The following PHACTR2 variants were observed in gnomAD, a reference collection of about 807,000 sequenced individuals.
The protein encoded by PHACTR2 is phosphatase and actin regulator 2.
A neutral mutation model predicts 76.0 loss-of-function variants in PHACTR2; 30 were observed. The observed-to-expected ratio is 0.39, with a 90% confidence interval of 0.30 to 0.54. PHACTR2 has a LOEUF of 0.54. PHACTR2 is among the 20% of genes least tolerant of loss of function. The pLI is 0.61. For synonymous variants in PHACTR2, 292 were observed against 292.5 expected (o/e 1.00, Z 0.02); for missense variants, 696 against 781.1 (o/e 0.89, Z 1.30).
chr6:143,575,600 T>C (rs1299057905), intron 1 of PHACTR2, among the ~76,000 whole-genome samples: 2 of 152,244 alleles, frequency 1.3e-5, no homozygotes, highest in Non-Finnish European at 2.9e-5. Context: ...AGAGACTTGA[T>C]GTTGGTGCTT....
In PHACTR2 at chr6:143,698,727, G is replaced by A. The variant is rs74841284; in HGVS notation, c.47-13289G>A. 1.9e-3 allele frequency among the ~76,000 whole-genome samples: 293 copies of A among 152,286 alleles called. 4 individuals carry two copies. The highest frequency in any genetic ancestry group is 6.6e-3 in the African/African-American group (274 of 41,560). On this transcript the variant is annotated intron_variant, in intron 1 of 12. Coordinates refer to ENST00000440869, the MANE Select transcript of PHACTR2 (RefSeq NM_001100164.2). This position sits in a 1 kb window ranked among gnomAD's most constrained non-coding sequence, Gnocchi z 4.3. ...TTTGACTAATGTCAGCCTCTCTCAT[G>A]GCCTGCAAGCCTCCTAAGGGCAGAG...
chr6:143,724,711 A>T (rs1045280487), intron 2 of PHACTR2, among the ~76,000 whole-genome samples: 4 of 152,186 alleles, frequency 2.6e-5, no homozygotes, highest in African/African-American at 9.7e-5. Context: ...CTGGGCCTTT[A>T]AAAATGGGGC....
intron 1 of PHACTR2, among the ~76,000 whole-genome samples, chr6:143,612,015 A>G (rs1775984730): frequency 6.6e-6 from 1 of 152,198 alleles, no homozygotes; most frequent in Non-Finnish European, 1.5e-5. Flanking sequence ...TTTCAGAGAA[A>G]GACAGTGAGT....
intron 4 of PHACTR2, among the ~76,000 whole-genome samples, chr6:143,756,143 A>G (rs1022077354): frequency 6.6e-6 from 1 of 152,140 alleles, no homozygotes; most frequent in Admixed American, 6.5e-5. Flanking sequence ...TCATAAGACA[A>G]TATCTCAATA....
chr6:143,808,445 A>G (rs558122825), intron 12 of PHACTR2, among the ~76,000 whole-genome samples: 56 of 152,328 alleles, frequency 3.7e-4, no homozygotes, highest in African/African-American at 1.2e-3. Context: ...ATTTTTTAAA[A>G]CAAATATAAA....
chr6:143,793,914 A>G lies in PHACTR2; in HGVS notation c.1845+5004A>G, dbSNP rs1245548600. ...CAACAGAGCTAGACCTTATCTCAAAATAAATAAATAAATAAATAATATGGT... is the reference window on the plus strand; with the variant it reads ...CAACAGAGCTAGACCTTATCTCAAAGTAAATAAATAAATAAATAATATGGT... On this transcript the variant is annotated intron_variant, in intron 11 of 12. Transcript: ENST00000440869. This position sits in a 1 kb window ranked among gnomAD's most constrained non-coding sequence, Gnocchi z 4.4. Among the ~76,000 whole-genome samples the G allele has an allele frequency of 6.6e-6, 1 of 152,026 alleles. No individual in the cohort carries two copies. Among genetic ancestry groups the G allele is most frequent in the African/African-American group, 2.4e-5 (1 of 41,412 alleles).
chr6:143,545,128 A>G lies in PHACTR2; in HGVS notation c.217+7921A>G, dbSNP rs185080020. On this transcript the variant is annotated intron_variant, in intron 1 of 11. Transcript: ENST00000367584. ...CTGGCTAATTGTTGTATTTTTGGGT[A>G]GAGATGGGGTTTCACTATGTTGGCC... Among the ~76,000 whole-genome samples the G allele has an allele frequency of 2.3e-3, 344 of 152,182 alleles. 3 individuals are homozygous for G. Among genetic ancestry groups the G allele is most frequent in the Non-Finnish European group, 2.0e-3 (135 of 68,002 alleles).
At position 143,789,280 on chromosome 6, in the gene PHACTR2, A is replaced by G. The variant is rs1562308358; in HGVS notation, c.1845+370A>G. ...TCGTCGAGACTGGCACACTTTTAAT[A>G]GAAATGACAAGACAGCAAATAGTTT... On this transcript the variant is annotated intron_variant, in intron 11 of 12. Coordinates refer to ENST00000440869, the MANE Select transcript of PHACTR2 (RefSeq NM_001100164.2). The surrounding 1 kb of genome is among the most constrained non-coding windows in gnomAD (Gnocchi z 5.1). 1 of 168,394 alleles carries G rather than the reference A, an allele frequency of 5.9e-6. No individual in the cohort carries two copies. Among genetic ancestry groups the G allele is most frequent in the South Asian group, 1.6e-4 (1 of 6,256 alleles). 10.4% of individuals were successfully genotyped at this position (168,394 alleles called of 1,614,324 possible).
At chr6:143,724,612 A>G (rs1203600527) in intron 2 of PHACTR2, among the ~76,000 whole-genome samples, 1 of 152,204 alleles carries the variant, frequency 6.6e-6, no homozygotes, top group East Asian at 1.9e-4. Flanking sequence ...GTTTCTACAC[A>G]GTCCCAGACC....
intron 1 of PHACTR2, among the ~76,000 whole-genome samples, chr6:143,660,707 C>T (rs533887124): frequency 1.1e-4 from 16 of 152,190 alleles, no homozygotes; most frequent in African/African-American, 1.4e-4. Flanking sequence ...GATGAGGAAA[C>T]GCTGCACAAT....
At chr6:143,792,718 A>G (rs912760011) in intron 11 of PHACTR2, among the ~76,000 whole-genome samples, 7 of 152,140 alleles carry the variant, frequency 4.6e-5, no homozygotes, top group African/African-American at 1.7e-4. Context: ...AGGCTCAGAG[A>G]CTGGGCTCAA....
rs1480607895 is a variant in PHACTR2 at position 143,827,429 on chromosome 6, G to A, written c.*3740G>A. The A allele has an allele frequency of 6.6e-6, 1 of 151,494 alleles. No homozygotes were observed. The highest frequency in any genetic ancestry group is 6.6e-5 in the Admixed American group (1 of 15,190). The allele number at this position is 151,494 out of a possible 1,614,324, so 9.4% of individuals were successfully genotyped here. On this transcript the variant is annotated 3_prime_UTR_variant, in exon 13 of 13. Coordinates refer to ENST00000440869, the MANE Select transcript of PHACTR2 (RefSeq NM_001100164.2). ...ATAATGAAAACTTTCTTCCTTTCCTGCCCAAAAATTTCTTCAGTCTGTTAT... is the reference window on the plus strand; with the variant it reads ...ATAATGAAAACTTTCTTCCTTTCCTACCCAAAAATTTCTTCAGTCTGTTAT...
intron 1 of PHACTR2, among the ~76,000 whole-genome samples, chr6:143,704,902 C>G (rs1177508536): frequency 6.6e-6 from 1 of 152,036 alleles, no homozygotes; most frequent in Non-Finnish European, 1.5e-5. Flanking sequence ...GATCTCGGCT[C>G]ACTGCAACCT....
At chr6:143,574,472 C>T (rs1459354733) in intron 1 of PHACTR2, among the ~76,000 whole-genome samples, 2 of 152,078 alleles carry the variant, frequency 1.3e-5, no homozygotes, top group South Asian at 2.1e-4. Flanking sequence ...AAAGTGGGTT[C>T]AATGTCTCTC....
intron 2 of PHACTR2, among the ~76,000 whole-genome samples, chr6:143,712,891 A>G (rs1778212069): frequency 6.6e-6 from 1 of 152,238 alleles, no homozygotes. Context: ...TGCCTTTCAT[A>G]TCAACTCGTG....
rs1776661188 is a variant in PHACTR2, at chr6:143,646,460, G to T, written c.13+38138G>T. 6.6e-6 allele frequency among the ~76,000 whole-genome samples: 1 copy of T among 151,926 alleles called. No individual in the cohort carries two copies. Among genetic ancestry groups the T allele is most frequent in the Admixed American group, 6.6e-5 (1 of 15,244 alleles). On this transcript the variant is annotated intron_variant, in intron 1 of 11. Coordinates refer to the PHACTR2 transcript ENST00000305766. The surrounding 1 kb of genome is among the most constrained non-coding windows in gnomAD (Gnocchi z 4.1). ...TGTAAAATCTAATTGACTTTATTTG[G>T]CAGACACAGGCAAACACATACATGT...
At chr6:143,729,796 C>T (rs567051139) in intron 2 of PHACTR2, among the ~76,000 whole-genome samples, 1 of 152,168 alleles carries the variant, frequency 6.6e-6, no homozygotes, top group Non-Finnish European at 1.5e-5. Context: ...CTGCCAGGCT[C>T]TAGTAGCTTG....
Position 143,733,360 on chromosome 6 carries a change from C to T in PHACTR2, c.215-15625C>T, listed in dbSNP as rs147883955. On this transcript the variant is annotated intron_variant, in intron 2 of 12. Transcript: ENST00000440869. The surrounding 1 kb of genome is among the most constrained non-coding windows in gnomAD (Gnocchi z 4.0). The stretch of plus-strand genomic sequence containing the variant: ...TTTGTTTTCTTCTTTGGTGAGATCT[C>T]AAAGAAACTTGTATAGTGCCTGGCT... Among the ~76,000 whole-genome samples the T allele has an allele frequency of 0.014, 2,152 of 152,198 alleles. 21 individuals are homozygous for T. Among genetic ancestry groups the T allele is most frequent in the Middle Eastern group, 0.027 (8 of 294 alleles).
chr6:143,638,708 G>A (rs1650760240), intron 1 of PHACTR2, among the ~76,000 whole-genome samples: 1 of 151,984 alleles, frequency 6.6e-6, no homozygotes, highest in South Asian at 2.1e-4. Context: ...TTAAAAAAGG[G>A]CAGTGAAGTT....
Sources: allele counts gnomAD v4.1 joint callset (sites outside exome capture counted in the v4.1 genomes callset), GRCh38; gene constraint gnomAD v4.1.1; non-coding constraint Gnocchi (gnomAD v3.1); transcripts MANE v1.5; gene names NCBI Gene and HGNC (gene_info 2026-07-23, HGNC 2026-07-21).